The following PIK3C2G variants were observed in gnomAD, a reference collection of about 807,000 sequenced individuals.
PIK3C2G encodes phosphatidylinositol 3-kinase C2 domain-containing subunit gamma.
A neutral mutation model predicts 181.1 loss-of-function variants in PIK3C2G; 168 were observed. That is an observed-to-expected ratio of 0.93 (90% CI 0.82 to 1.05). The LOEUF (loss-of-function observed/expected upper bound fraction) is 1.05. Ranked by LOEUF, PIK3C2G falls within the 50% of genes least tolerant of loss-of-function variation. The pLI, the probability that PIK3C2G is intolerant of heterozygous loss-of-function variation, is 0.00. For missense variants in PIK3C2G, 1,869 were observed against 1,732.8 expected (o/e 1.08, Z -1.40); for synonymous variants, 573 against 592.2 (o/e 0.97, Z 0.47).
chr12:18,340,002 C>G (rs924480483), intron 9 of PIK3C2G, among the ~76,000 whole-genome samples: 3 of 151,954 alleles, frequency 2.0e-5, no homozygotes, highest in African/African-American at 7.2e-5. Flanking sequence ...AAGGAAACAC[C>G]TTCTCTTTTA....
intron 25 of PIK3C2G, among the ~76,000 whole-genome samples, chr12:18,542,897 T>A (rs1389688094): frequency 1.3e-5 from 2 of 151,636 alleles, no homozygotes; most frequent in East Asian, 3.9e-4. Context: ...TACGGTAGAA[T>A]GATATACCCA....
At chr12:18,680,595 C>A in the PIK3C2G span, among the ~76,000 whole-genome samples, 3 of 152,058 alleles carry the variant, frequency 2.0e-5, no homozygotes. Context: ...AAAGAATAAA[C>A]CCTCAAAATT....
Position 18,381,747 on chromosome 12 carries a change from T to C in PIK3C2G, c.1881-19T>C. On this transcript the variant is annotated intron_variant, in intron 13 of 32. Transcript: ENST00000538779. ...ATGAAGTGACTCCTGTCTGTGTGTG[T>C]GTGTGTTGTCTTTTGCAGAAAATCC... 2.2e-6 allele frequency: 3 copies of C among 1,346,456 alleles called. No individual in the cohort carries two copies. The highest frequency in any genetic ancestry group is 3.2e-6 in the Non-Finnish European group (3 of 936,040). The allele number at this position is 1,346,456 out of a possible 1,614,324, so 83.4% of individuals were successfully genotyped here.
intron 31 of PIK3C2G, among the ~76,000 whole-genome samples, chr12:18,634,178 G>A (rs1949487698): frequency 6.6e-6 from 1 of 152,158 alleles, no homozygotes; most frequent in African/African-American, 2.4e-5. Flanking sequence ...TAAGACCAGT[G>A]AAGTCCATGA....
At chr12:18,321,151 G>C in intron 7 of PIK3C2G, 119 bp downstream of exon 7, 1 of 599,458 alleles carries the variant, frequency 1.7e-6, no homozygotes, top group Admixed American at 3.2e-5. Context: ...GGAAGCTATT[G>C]TACTTTTAAC....
the PIK3C2G span, among the ~76,000 whole-genome samples, chr12:18,706,557 G>C: frequency 6.6e-6 from 1 of 152,100 alleles, no homozygotes; most frequent in Non-Finnish European, 1.5e-5. Context: ...GCTCTACAAA[G>C]GTATTTTCTG....
chr12:18,287,658 C>A (rs1033633058), intron 3 of PIK3C2G, among the ~76,000 whole-genome samples: 1 of 151,036 alleles, frequency 6.6e-6, no homozygotes, highest in Non-Finnish European at 1.5e-5. Context: ...GAGTTTGAGA[C>A]CAGCCTGGCC....
chr12:18,460,755 T>C (rs1176028064), intron 18 of PIK3C2G, among the ~76,000 whole-genome samples: 1 of 151,508 alleles, frequency 6.6e-6, no homozygotes, highest in African/African-American at 2.4e-5. Flanking sequence ...ACATATCAAA[T>C]AAAATATTTG....
intron 18 of PIK3C2G, among the ~76,000 whole-genome samples, chr12:18,439,555 C>G (rs888676323): frequency 6.6e-6 from 1 of 151,712 alleles, no homozygotes; most frequent in African/African-American, 2.4e-5. Flanking sequence ...ATTTGACTTG[C>G]TTTCCCACCA....
At chr12:18,322,820 C>T (rs1045006510) in intron 7 of PIK3C2G, among the ~76,000 whole-genome samples, 180 of 152,162 alleles carry the variant, frequency 1.2e-3, no homozygotes, top group African/African-American at 4.2e-3. Context: ...TACAAATTTT[C>T]GTTTTATAGG....
intron 32 of PIK3C2G, 89 bp downstream of exon 32, chr12:18,640,643 T>C (rs981603544): frequency 1.4e-5 from 16 of 1,179,914 alleles, no homozygotes; most frequent in Admixed American, 1.1e-4. Context: ...TTTGCAGTAA[T>C]TGGCAGCATT....
At chr12:18,356,337 C>T (rs1309855379) in intron 11 of PIK3C2G, among the ~76,000 whole-genome samples, 1 of 152,128 alleles carries the variant, frequency 6.6e-6, no homozygotes, top group Non-Finnish European at 1.5e-5. Context: ...CAGTCCATAG[C>T]TCTCAGCCCC....
At chr12:18,656,427 A>G in the PIK3C2G span, among the ~76,000 whole-genome samples, 2 of 151,982 alleles carry the variant, frequency 1.3e-5, no homozygotes, top group Non-Finnish European at 2.9e-5. Flanking sequence ...TTAGCTGGGC[A>G]TGGTGGCGGG....
In PIK3C2G at chr12:18,361,049, T is replaced by C. The variant is rs1941194485; in HGVS notation, c.1626-1715T>C. ...CGGCTTGACGGTGCCCATTATTCTCTTTGGCTTTCTTCAGTTCATTGTGGG... is the reference window on the plus strand; with the variant it reads ...CGGCTTGACGGTGCCCATTATTCTCCTTGGCTTTCTTCAGTTCATTGTGGG... On this transcript the variant is annotated intron_variant, in intron 11 of 32. Coordinates refer to ENST00000538779, the MANE Select transcript of PIK3C2G (RefSeq NM_001288772.2). Among the ~76,000 whole-genome samples, 3 of 152,152 alleles carry C rather than the reference T, an allele frequency of 2.0e-5. No individual in the cohort carries two copies. The South Asian group carries it at 6.2e-4, about 31-fold the overall frequency.
At chr12:18,264,681 T>C (rs1278033251) in intron 1 of PIK3C2G, among the ~76,000 whole-genome samples, 1 of 152,140 alleles carries the variant, frequency 6.6e-6, no homozygotes, top group African/African-American at 2.4e-5. Context: ...ACAGCTACTT[T>C]TTGGAATATT....
chr12:18,578,889 G>A lies in PIK3C2G; in HGVS notation c.4011+11832G>A, dbSNP rs192854114. Among the ~76,000 whole-genome samples the A allele has an allele frequency of 5.9e-3, 904 of 151,966 alleles. 6 individuals carry two copies. Among genetic ancestry groups the A allele is most frequent in the African/African-American group, 0.021 (856 of 41,480 alleles). On this transcript the variant is annotated intron_variant, in intron 29 of 32. Coordinates refer to ENST00000538779, the MANE Select transcript of PIK3C2G (RefSeq NM_001288772.2). The stretch of plus-strand genomic sequence containing the variant: ...TATACTATTTATGCTGAATACTTCC[G>A]TAATAGAATAATCTGCATCTCTGAT...
chr12:18,518,118 G>A (rs1277465981), intron 24 of PIK3C2G, among the ~76,000 whole-genome samples: 1 of 152,122 alleles, frequency 6.6e-6, no homozygotes, highest in African/African-American at 2.4e-5. Context: ...TTTTTGATAC[G>A]CTGCTGGATT....
At chr12:18,475,691 T>C (rs1938920800) in intron 18 of PIK3C2G, among the ~76,000 whole-genome samples, 1 of 152,112 alleles carries the variant, frequency 6.6e-6, no homozygotes, top group Non-Finnish European at 1.5e-5. Context: ...TTCTCAAATA[T>C]AAATTAAGTT....
At chr12:18,444,663 ATTTT>A (rs377077499) in intron 18 of PIK3C2G, among the ~76,000 whole-genome samples, 1 of 151,954 alleles carries the variant, frequency 6.6e-6, no homozygotes, top group Non-Finnish European at 1.5e-5. Flanking sequence ...AACAATGACT[ATTTT>A]TTTCTTTCAT....
Sources: gnomAD v4.1 joint callset for allele counts (sites outside exome capture counted in the v4.1 genomes callset) on GRCh38, gnomAD v4.1.1 for gene constraint, MANE v1.5 for transcripts, NCBI Gene and HGNC (gene_info 2026-07-23, HGNC 2026-07-21) for gene names.